STAMBP: variants seen among roughly 807,000 people sequenced by gnomAD.
STAMBP encodes STAM-binding protein.
In STAMBP, 31 loss-of-function variants were observed where a neutral mutation model predicts 50.7. That is an observed-to-expected ratio of 0.61 (90% CI 0.46 to 0.83). The LOEUF (loss-of-function observed/expected upper bound fraction) is 0.83. STAMBP is among the 40% of genes least tolerant of loss of function. The pLI is 0.00. For missense variants in STAMBP, 472 were observed against 518.9 expected (o/e 0.91, Z 0.88); for synonymous variants, 211 against 192.4 (o/e 1.10, Z -0.80).
At chr2:73,833,916 A>G (rs1674261870) in intron 2 of STAMBP, among the ~76,000 whole-genome samples, 1 of 152,032 alleles carries the variant, frequency 6.6e-6, no homozygotes, top group African/African-American at 2.4e-5. Context: ...CATGCAATCA[A>G]AAATATACAT....
At position 73,850,387 on chromosome 2, in the gene STAMBP, A is replaced by G. The variant is rs759144312; in HGVS notation, c.879A>G (p.Glu293=). 1.9e-6 allele frequency: 3 copies of G among 1,610,192 alleles called. No individual in the cohort carries two copies. The highest frequency in any genetic ancestry group is 1.7e-4 in the Middle Eastern group (1 of 6,044). The change falls in exon 7 of 10, where the codon GAA becomes GAG. Residue 293 remains glutamate, a synonymous_variant. Transcript: ENST00000394070. The surrounding 1 kb of genome is among the most constrained non-coding windows in gnomAD (Gnocchi z 4.3). ...GILCGKLMRN[E]FTITHVLIPK... Reference sequence around the variant, plus strand: ...TTCTCCTTTGGCAGATGAGGAATGAATTTACCATTACCCATGTTCTCATCC... The same window carrying G: ...TTCTCCTTTGGCAGATGAGGAATGAGTTTACCATTACCCATGTTCTCATCC...
intron 2 of STAMBP, among the ~76,000 whole-genome samples, chr2:73,834,723 C>G (rs1674510392): frequency 6.6e-6 from 1 of 152,012 alleles, no homozygotes; most frequent in South Asian, 2.1e-4. Context: ...CTAGAGTAGT[C>G]AGGGTAAGGT....
intron 9 of STAMBP, among the ~76,000 whole-genome samples, chr2:73,861,041 G>A (rs1192395028): frequency 6.6e-6 from 1 of 152,198 alleles, no homozygotes; most frequent in Non-Finnish European, 1.5e-5. Context: ...TTCAAAAATA[G>A]ATCAGTCTGC....
rs1184645815 is a variant in STAMBP, at chr2:73,834,256, T to A, written c.203+3197T>A. Among the ~76,000 whole-genome samples, 46 of 59,790 alleles carry A rather than the reference T, an allele frequency of 7.7e-4. 1 individual carries two copies. The highest frequency in any genetic ancestry group is 0.01 in the Middle Eastern group (1 of 98). The allele number at this position is 59,790 out of a possible 152,430, so 39.2% of individuals were successfully genotyped here. A position where few individuals can be genotyped will look rare whatever the true frequency, so the allele number is the denominator to read the frequency against. ...AAAAAAATATATATATATATATATA[T>A]ATATATATATATATATATATATATA... On this transcript the variant is annotated intron_variant, in intron 2 of 9. Transcript: ENST00000394070.
At chr2:73,837,868 G>A (rs1674917927) in intron 2 of STAMBP, among the ~76,000 whole-genome samples, 1 of 152,138 alleles carries the variant, frequency 6.6e-6, no homozygotes, top group African/African-American at 2.4e-5. Flanking sequence ...AGTTAATGGA[G>A]GGAGAGTCAA....
rs995206025 is a variant in STAMBP, at chr2:73,866,573, T to C, written c.*4314T>C. On this transcript the variant is annotated 3_prime_UTR_variant, in exon 10 of 10. Coordinates refer to ENST00000394070, the MANE Select transcript of STAMBP (RefSeq NM_213622.4). ...TGTTAGGTAGCCAGGTGGACCTGTGTCCTAGCCTGGAGAAGCTCTATGTCA... is the reference window on the plus strand; with the variant it reads ...TGTTAGGTAGCCAGGTGGACCTGTGCCCTAGCCTGGAGAAGCTCTATGTCA... The C allele has an allele frequency of 6.6e-6, 1 of 152,248 alleles. No homozygotes were observed. The highest frequency in any genetic ancestry group is 2.4e-5 in the African/African-American group (1 of 41,450). 9.4% of individuals were successfully genotyped at this position (152,248 alleles called of 1,614,324 possible). A position where few individuals can be genotyped will look rare whatever the true frequency, so the allele number is the denominator to read the frequency against.
In STAMBP at chr2:73,850,228, A is replaced by G. The variant is rs901787994; in HGVS notation, c.868-148A>G. ...CCCAGGCAATGTGCATCAGCAGCCA[A>G]GGTTGTGAACCACTGAGTGGCAGGA... is the stretch of plus-strand genomic sequence containing the variant. On this transcript the variant is annotated intron_variant, in intron 6 of 9. Transcript: ENST00000394070. The surrounding 1 kb of genome is among the most constrained non-coding windows in gnomAD (Gnocchi z 4.3). 4 of 1,039,872 alleles carry G rather than the reference A, an allele frequency of 3.8e-6. No individual in the cohort carries two copies. Among genetic ancestry groups the G allele is most frequent in the Non-Finnish European group, 5.5e-6 (4 of 722,404 alleles). 64.4% of individuals were successfully genotyped at this position (1,039,872 alleles called of 1,614,324 possible). A position where few individuals can be genotyped will look rare whatever the true frequency, so the allele number is the denominator to read the frequency against.
downstream of STAMBP, chr2:73,870,355 G>T (rs1317972564): frequency 6.6e-6 from 1 of 152,282 alleles, no homozygotes; most frequent in African/African-American, 2.4e-5. Flanking sequence ...AAAACGTGGT[G>T]AGTGGAGAGC....
intron 2 of STAMBP, among the ~76,000 whole-genome samples, chr2:73,843,835 A>G (rs1675739019): frequency 6.6e-6 from 1 of 152,232 alleles, no homozygotes; most frequent in Admixed American, 6.5e-5. Flanking sequence ...ACAATATAAT[A>G]TTTTAGAGCT....
In STAMBP at chr2:73,847,623, C is replaced by T; in HGVS notation, c.612C>T (p.Ser204=). The part of the protein sequence containing the change: ...GPLVPDLEKP[S]LDVFPTLTVS... The stretch of plus-strand genomic sequence containing the variant: ...TAGTGCCTGACTTGGAGAAGCCCTC[C>T]TTAGATGTGTTCCCCACCTTAACAG... Residue 204 remains serine, a synonymous_variant, in exon 5 of 10, where the codon TCC becomes TCT. Coordinates refer to ENST00000394070, the MANE Select transcript of STAMBP (RefSeq NM_213622.4). The T allele has an allele frequency of 6.2e-7, 1 of 1,614,202 alleles. No homozygotes were observed. The highest frequency in any genetic ancestry group is 8.5e-7 in the Non-Finnish European group (1 of 1,180,014).
downstream of STAMBP, among the ~76,000 whole-genome samples, chr2:73,870,853 C>T (rs1199610956): frequency 6.6e-6 from 1 of 152,210 alleles, no homozygotes; most frequent in Admixed American, 6.5e-5. Flanking sequence ...CTGCTTGCCA[C>T]ACTTAGACAC....
rs1045498516 is a variant in STAMBP at position 73,856,809 on chromosome 2, TC to T, written c.1006-2444del. Among the ~76,000 whole-genome samples, 6 of 152,302 alleles carry T rather than the reference TC, an allele frequency of 3.9e-5. No homozygotes were observed. In the East Asian group the frequency reaches 1.2e-3, roughly 29 times the overall value. ...CCTGAGATGCAAATGTCTTTTCCTG[TC>T]TCCACTCCTACTGTCTGGTGATCTT... is the stretch of plus-strand genomic sequence containing the variant. On this transcript the variant is annotated intron_variant, in intron 7 of 9. Coordinates refer to ENST00000394070, the MANE Select transcript of STAMBP (RefSeq NM_213622.4).
chr2:73,855,426 G>A (rs1368103830), intron 7 of STAMBP, among the ~76,000 whole-genome samples: 2 of 152,214 alleles, frequency 1.3e-5, no homozygotes, highest in African/African-American at 4.8e-5. Flanking sequence ...AGTTAGAGAG[G>A]AGCAGGGGAT....
intron 7 of STAMBP, among the ~76,000 whole-genome samples, chr2:73,854,640 T>C (rs1191735875): frequency 6.6e-6 from 1 of 152,122 alleles, no homozygotes; most frequent in Non-Finnish European, 1.5e-5. Context: ...TGTGCCCAGC[T>C]AGTTCAGCTT....
chr2:73,855,291 G>A (rs959834650), intron 7 of STAMBP, among the ~76,000 whole-genome samples: 4 of 152,084 alleles, frequency 2.6e-5, no homozygotes, highest in South Asian at 2.1e-4. Flanking sequence ...CTGCTCCTTC[G>A]GTATATTGTT....
intron 2 of STAMBP, among the ~76,000 whole-genome samples, chr2:73,843,406 G>GTGTGTA (rs1458780751): frequency 5.4e-5 from 7 of 129,944 alleles, no homozygotes; most frequent in African/African-American, 2.0e-4. Context: ...GTTTGTGTAT[G>GTGTGTA]TATATATATA....
rs1006072205 is a variant in STAMBP, at chr2:73,832,108, T to TATATATATATATATATATACACAC, written c.203+1050_203+1051insTATATATATATATATATACACACA. ...ACATATATATATATATATATATATA[T>TATATATATATATATATATACACAC]ACACATATATATGGTGCACAATTCA... On this transcript the variant is annotated intron_variant, in intron 2 of 9. Coordinates refer to ENST00000394070, the MANE Select transcript of STAMBP (RefSeq NM_213622.4). Among the ~76,000 whole-genome samples, 478 of 122,680 alleles carry TATATATATATATATATATACACAC rather than the reference T, an allele frequency of 3.9e-3. 11 individuals carry two copies. The highest frequency in any genetic ancestry group is 0.016 in the African/African-American group (455 of 28,338). The allele number at this position is 122,680 out of a possible 152,430, so 80.5% of individuals were successfully genotyped here.
chr2:73,841,367 T>C (rs947430586), intron 2 of STAMBP, among the ~76,000 whole-genome samples: 11 of 152,328 alleles, frequency 7.2e-5, no homozygotes, highest in Admixed American at 3.3e-4. Context: ...ACATTTTTTG[T>C]TTATTAGTTA....
chr2:73,834,228 A>T (rs1674355051), intron 2 of STAMBP, among the ~76,000 whole-genome samples: 5 of 23,514 alleles, frequency 2.1e-4, no homozygotes, highest in African/African-American at 3.1e-4. Context: ...AAAAAAAAAA[A>T]AAAAAAAAAT....
Sources: allele counts gnomAD v4.1 joint callset (sites outside exome capture counted in the v4.1 genomes callset), GRCh38; gene constraint gnomAD v4.1.1; non-coding constraint Gnocchi (gnomAD v3.1); transcripts MANE v1.5; gene names NCBI Gene and HGNC (gene_info 2026-07-23, HGNC 2026-07-21).